Variants in TBC1D32 observed in about 807,000 individuals in gnomAD.
TBC1D32 encodes the protein protein broad-minded.
Under a neutral mutation model 170.3 loss-of-function variants are expected in TBC1D32, and 151 were observed. That is an observed-to-expected ratio of 0.89 (90% CI 0.78 to 1.01). The LOEUF (loss-of-function observed/expected upper bound fraction) is 1.01. Ranked by LOEUF, TBC1D32 falls within the 50% of genes least tolerant of loss-of-function variation. The probability of loss-of-function intolerance (pLI) is 0.00; values close to 1 mark genes in which losing one functional copy is unlikely to be tolerated. For synonymous variants in TBC1D32, 498 were observed against 488.0 expected, an observed-to-expected ratio of 1.02 and a Z score of -0.27; for missense variants, 1,464 against 1,457.1, an observed-to-expected ratio of 1.00 and a Z score of -0.08.
At position 121,334,287 on chromosome 6, in the gene TBC1D32, T is replaced by G. The variant is rs754218862; in HGVS notation, c.144A>C (p.Glu48Asp). Reference protein sequence around the residue: ...EILLHLEETDENFHNYEFVKY... With the variant: ...EILLHLEETDDNFHNYEFVKY... Reference sequence around the variant, plus strand: ...AAAAGCAATTTTACTTGTGAAAATTTTCATCAGTTTCCTCCAGATGTAAAA... The same window carrying G: ...AAAAGCAATTTTACTTGTGAAAATTGTCATCAGTTTCCTCCAGATGTAAAA... The change falls in exon 1 of 32, where the codon GAA (glutamate) becomes GAC (aspartate). Residue 48 changes from glutamate to aspartate, a missense_variant. By Grantham distance (45) the Glu-to-Asp change is conservative. Coordinates refer to ENST00000398212, the MANE Select transcript of TBC1D32 (RefSeq NM_152730.6). 12 of 1,613,902 alleles carry G rather than the reference T, an allele frequency of 7.4e-6. No homozygotes were observed. The highest frequency in any genetic ancestry group is 1.3e-5 in the African/African-American group (1 of 74,924).
At chr6:121,306,685 C>G (rs550246092) in intron 5 of TBC1D32, among the ~76,000 whole-genome samples, 2 of 152,278 alleles carry the variant, frequency 1.3e-5, no homozygotes, top group Admixed American at 1.3e-4. Context: ...TCATTCCCAT[C>G]ATAGATACTA....
chr6:121,186,993 A>G (rs2128281063), intron 22 of TBC1D32, among the ~76,000 whole-genome samples: 1 of 152,216 alleles, frequency 6.6e-6, no homozygotes, highest in South Asian at 2.1e-4. Context: ...GTACTGAATT[A>G]TTATATTTTG....
At chr6:121,256,443 T>A (rs533011961) in intron 15 of TBC1D32, among the ~76,000 whole-genome samples, 158 bp from the exon 16 acceptor site, 1 of 152,208 alleles carries the variant, frequency 6.6e-6, no homozygotes, top group South Asian at 2.1e-4. Context: ...AGATGTCTAG[T>A]AATGAGAACA....
chr6:121,279,245 C>T lies in TBC1D32; in HGVS notation c.1609G>A (p.Ala537Thr). ...GCTGTCTCAGAGCAATTTGGAGATGCCTGTACATTAAAAAGAAAACAAGAC... is the reference window on the plus strand; with the variant it reads ...GCTGTCTCAGAGCAATTTGGAGATGTCTGTACATTAAAAAGAAAACAAGAC... ...PIHNLMKGNE[A>T]SPNCSETALI... Residue 537 changes from alanine to threonine, a missense_variant and splice_region_variant, in exon 15 of 32, where the codon GCA becomes ACA. By Grantham distance (58) the Ala-to-Thr change is moderately conservative. Transcript: ENST00000398212. 1.9e-6 allele frequency: 3 copies of T among 1,599,758 alleles called. No homozygotes were observed. The highest frequency in any genetic ancestry group is 1.7e-6 in the Non-Finnish European group (2 of 1,176,160).
intron 24 of TBC1D32, among the ~76,000 whole-genome samples, chr6:121,148,840 C>T (rs1190987208): frequency 6.6e-6 from 1 of 152,050 alleles, no homozygotes; most frequent in Non-Finnish European, 1.5e-5. Flanking sequence ...TGTTGAACTC[C>T]TGACCTCAGG....
chr6:121,304,930 A>G (rs1001873700), intron 5 of TBC1D32, 97 bp from the exon 6 acceptor site: 8 of 802,436 alleles, frequency 1.0e-5, no homozygotes, highest in Non-Finnish European at 1.2e-5. Context: ...AAAATAAAAT[A>G]AATACAAATA....
At chr6:121,156,366 A>AT (rs1195489835) in intron 24 of TBC1D32, among the ~76,000 whole-genome samples, 3 of 149,284 alleles carry the variant, frequency 2.0e-5, no homozygotes, top group Non-Finnish European at 4.5e-5. Flanking sequence ...TTGTAATGTC[A>AT]TTTTTGTCAT....
intron 1 of TBC1D32, among the ~76,000 whole-genome samples, chr6:121,324,263 T>C (rs563408529): frequency 5.3e-5 from 8 of 152,334 alleles, no homozygotes; most frequent in Non-Finnish European, 8.8e-5. Flanking sequence ...ATTATTTCAA[T>C]TTCTTTCATT....
chr6:121,112,874 T>C (rs964877947), intron 28 of TBC1D32, among the ~76,000 whole-genome samples, 188 bp downstream of exon 28: 1 of 152,056 alleles, frequency 6.6e-6, no homozygotes, highest in African/African-American at 2.4e-5. Context: ...AATATAATGA[T>C]TACAACTCAA....
chr6:121,197,420 C>T (rs1790883176), intron 22 of TBC1D32, among the ~76,000 whole-genome samples: 1 of 152,142 alleles, frequency 6.6e-6, no homozygotes, highest in East Asian at 1.9e-4. Flanking sequence ...ATACCAGTTA[C>T]GACCACGTGA....
chr6:121,327,417 T>C (rs1810594529), intron 1 of TBC1D32, among the ~76,000 whole-genome samples: 1 of 152,236 alleles, frequency 6.6e-6, no homozygotes, highest in Admixed American at 6.5e-5. Context: ...CAAAGATTGA[T>C]AGTACTACTG....
chr6:121,086,478 A>T (rs1229387111), intron 31 of TBC1D32, among the ~76,000 whole-genome samples: 1 of 152,074 alleles, frequency 6.6e-6, no homozygotes, highest in African/African-American at 2.4e-5. Flanking sequence ...TCTCAGTCCG[A>T]TCTTCATTTC....
chr6:121,325,323 C>T (rs1026568752), intron 1 of TBC1D32, among the ~76,000 whole-genome samples: 6 of 151,822 alleles, frequency 4.0e-5, no homozygotes, highest in Non-Finnish European at 1.5e-5. Flanking sequence ...AAAAGTATCA[C>T]TACTTTCCAA....
rs201609323 is a variant in TBC1D32, at chr6:121,241,530, C to T, written c.2180G>A (p.Gly727Asp). ...KLQVSRHKKF[G>D]YGVLVTRVAS... ...CACTCGTGTAACCAAAACTCCATAG[C>T]CAAATTTTTTATGCCTGCTGACCTA... The change falls in exon 19 of 32, where the codon GGC becomes GAC. Residue 727 changes from glycine (G) to aspartate (D), a missense_variant. Transcript: ENST00000398212. The T allele has an allele frequency of 2.0e-4, 315 of 1,613,282 alleles. No homozygotes were observed. The highest frequency in any genetic ancestry group is 2.5e-4 in the Non-Finnish European group (299 of 1,179,694).
intron 24 of TBC1D32, among the ~76,000 whole-genome samples, chr6:121,149,537 T>C (rs1233983415): frequency 6.6e-6 from 1 of 152,202 alleles, no homozygotes; most frequent in Non-Finnish European, 1.5e-5. Flanking sequence ...TTCTTGTTTT[T>C]GTCAGGTTTG....
chr6:121,105,911 T>C (rs1054337364), intron 30 of TBC1D32, 112 bp downstream of exon 30: 1 of 1,212,124 alleles, frequency 8.2e-7, no homozygotes, highest in Non-Finnish European at 1.1e-6. Context: ...CTTGAGGATT[T>C]TAAATACACT....
chr6:121,227,976 A>C (rs1450255401), intron 20 of TBC1D32, among the ~76,000 whole-genome samples: 1 of 152,120 alleles, frequency 6.6e-6, no homozygotes, highest in African/African-American at 2.4e-5. Context: ...TAACAAATGC[A>C]TACCTATTTT....
chr6:121,177,272 T>G (rs543988678), intron 22 of TBC1D32, among the ~76,000 whole-genome samples: 1 of 152,212 alleles, frequency 6.6e-6, no homozygotes, highest in South Asian at 2.1e-4. Flanking sequence ...GTTCTCATGA[T>G]AGTGAGCGAG....
intron 2 of TBC1D32, among the ~76,000 whole-genome samples, chr6:121,320,317 T>A (rs1809542965): frequency 6.6e-6 from 1 of 151,358 alleles, no homozygotes; most frequent in African/African-American, 2.4e-5. Flanking sequence ...TCATTTAAAA[T>A]CTTTGTGAGG....
Sources: allele counts gnomAD v4.1 joint callset (sites outside exome capture counted in the v4.1 genomes callset), GRCh38; gene constraint gnomAD v4.1.1; transcripts MANE v1.5; gene names NCBI Gene and HGNC (gene_info 2026-07-23, HGNC 2026-07-21).